Variants in CORO7 observed in about 807,000 individuals in gnomAD.
CORO7 encodes the protein coronin-7.
In CORO7, 107 loss-of-function variants were observed where a neutral mutation model predicts 126.6. That is an observed-to-expected ratio of 0.85 (90% confidence interval 0.72 to 0.99). The LOEUF is 0.99. CORO7 is among the 50% of genes least tolerant of loss of function. The probability of loss-of-function intolerance (pLI) is 0.00; values close to 1 mark genes in which losing one functional copy is unlikely to be tolerated. For missense variants in CORO7, 1,314 were observed against 1,255.8 expected, an observed-to-expected ratio of 1.05 and a Z score of -0.70; for synonymous variants, 603 against 536.8, an observed-to-expected ratio of 1.12 and a Z score of -1.70.
intron 9 of CORO7, chr16:4,382,025 C>A: frequency 6.2e-7 from 1 of 1,601,440 alleles, no homozygotes; most frequent in Non-Finnish European, 8.5e-7. Context: ...CTTAGCCCCA[C>A]AGAGCCGGCC....
At chr16:4,366,959 C>T (rs1057188339) in intron 9 of CORO7, among the ~76,000 whole-genome samples, 1 of 152,192 alleles carries the variant, frequency 6.6e-6, no homozygotes, top group East Asian at 1.9e-4. Flanking sequence ...CCAGCTGTGG[C>T]AGCTGCCTCT....
chr16:4,387,333 C>G (rs983560910), intron 9 of CORO7, among the ~76,000 whole-genome samples: 1 of 152,112 alleles, frequency 6.6e-6, no homozygotes, highest in African/African-American at 2.4e-5. Flanking sequence ...GGCCAGGACC[C>G]CGCCAGGCAC....
intron 9 of CORO7, among the ~76,000 whole-genome samples, chr16:4,380,172 C>G (rs73507284): frequency 0.053 from 8,026 of 152,206 alleles, 258 homozygotes; most frequent in Admixed American, 0.1. Context: ...GGCCCCCCAG[C>G]TCCAGCTCTG....
chr16:4,396,873 G>A (rs940117540), intron 6 of CORO7, among the ~76,000 whole-genome samples: 4 of 151,696 alleles, frequency 2.6e-5, no homozygotes, highest in South Asian at 2.1e-4. Context: ...AAAATTAGCC[G>A]GGCATGGTGG....
intron 7 of CORO7, among the ~76,000 whole-genome samples, chr16:4,391,968 C>T (rs1394366264): frequency 2.6e-5 from 4 of 152,204 alleles, no homozygotes; most frequent in Admixed American, 6.5e-5. Context: ...CATGGCGACA[C>T]TTCCTGTGCA....
intron 9 of CORO7, chr16:4,381,201 A>G (rs758044): frequency 0.77 from 1,242,295 of 1,610,932 alleles, 481,786 homozygotes; most frequent in East Asian, 0.81. Flanking sequence ...TGGACCTGAC[A>G]GCCAACAGGC....
chr16:4,357,251 C>A lies in CORO7; in HGVS notation c.2602G>T (p.Ala868Ser), dbSNP rs763835995. The A allele has an allele frequency of 3.1e-6, 5 of 1,612,792 alleles. No individual in the cohort carries two copies. The Admixed American group carries it at 8.3e-5, about 27-fold the overall frequency. Reference protein sequence around the residue: ...QPPDMSPVSQAPREAPARRAP... With the variant: ...QPPDMSPVSQSPREAPARRAP... Reference sequence around the variant, plus strand: ...CGACGAGCAGGGGCCTCTCGGGGGGCTTGGCTCACTGGGACAGAGCAAGGA... The same window carrying A: ...CGACGAGCAGGGGCCTCTCGGGGGGATTGGCTCACTGGGACAGAGCAAGGA... The change falls in exon 26 of 28, where the codon GCC becomes TCC. Residue 868 changes from alanine to serine, a missense_variant. Ala to Ser is a moderately conservative substitution (Grantham distance 99). Coordinates refer to ENST00000251166, the MANE Select transcript of CORO7 (RefSeq NM_024535.5).
chr16:4,400,898 C>G (rs1467575552), intron 6 of CORO7, among the ~76,000 whole-genome samples: 2 of 151,974 alleles, frequency 1.3e-5, no homozygotes, highest in African/African-American at 4.8e-5. Flanking sequence ...ATCACAGACA[C>G]TGGGGGAGGA....
At position 4,355,342 on chromosome 16, in the gene CORO7, T is replaced by TC. The variant is rs1357898987; in HGVS notation, c.2715dup (p.Asn906GlufsTer12). ...TCCTGGGGGAGTGGGTCCTCCCGGT[T>TC]CCCCAGTTTTGCCACCATGGCATTC... is the stretch of plus-strand genomic sequence containing the variant. On this transcript the variant is annotated frameshift_variant, in exon 27 of 28. Coordinates refer to ENST00000251166, the MANE Select transcript of CORO7 (RefSeq NM_024535.5). LOFTEE classifies it high-confidence loss of function. 6.2e-7 allele frequency: 1 copy of TC among 1,612,248 alleles called. No individual in the cohort carries two copies. Among genetic ancestry groups the TC allele is most frequent in the Non-Finnish European group, 8.5e-7 (1 of 1,179,888 alleles).
At chr16:4,404,943 GCACAA>G (rs1251709158) in intron 6 of CORO7, among the ~76,000 whole-genome samples, 1 of 151,976 alleles carries the variant, frequency 6.6e-6, no homozygotes. Flanking sequence ...ACGGCAACAG[GCACAA>G]CCCTTACTCA....
intron 5 of CORO7, 134 bp from the exon 6 acceptor site, chr16:4,405,701 G>A (rs1011251622): frequency 1.9e-6 from 2 of 1,050,140 alleles, no homozygotes; most frequent in Non-Finnish European, 1.4e-6. Context: ...AAGGGGGCAA[G>A]GGCAGCAGCT....
At chr16:4,372,196 C>A (rs1277595995) in intron 9 of CORO7, among the ~76,000 whole-genome samples, 1 of 152,094 alleles carries the variant, frequency 6.6e-6, no homozygotes, top group African/African-American at 2.4e-5. Context: ...CCGACAGCCC[C>A]GCGGCCGGCC....
rs748441617 is a variant in CORO7 at position 4,361,054 on chromosome 16, G to A, written c.1806C>T (p.Phe602=). 1.2e-6 allele frequency: 2 copies of A among 1,613,356 alleles called. No individual in the cohort carries two copies. Among genetic ancestry groups the A allele is most frequent in the South Asian group, 2.2e-5 (2 of 91,084 alleles). Residue 602 remains phenylalanine, a synonymous_variant, in exon 19 of 28, where the codon TTC becomes TTT. Transcript: ENST00000251166. ...GHTEKICSLR[F]HPLAANVLAS... ...CCAGCACATTGGCTGCCAGTGGGTG[G>A]AAGCGCAGGGAGCAGATCTTCTCCG... is the stretch of plus-strand genomic sequence containing the variant.
Position 4,361,245 on chromosome 16 carries a change from C to G in CORO7, c.1691G>C (p.Gly564Ala). ...PFDPHRLAVA[G>A]EDARIRLWRV... ...CCACAGTCGGATCCTGGCGTCCTCA[C>G]CAGCTGCAGAGGACAGACAGGGGCT... Residue 564 changes from glycine (G) to alanine (A), a missense_variant, in exon 18 of 28, where the codon GGT becomes GCT. Gly to Ala is a moderately conservative substitution (Grantham distance 60). Transcript: ENST00000251166. The G allele has an allele frequency of 6.2e-7, 1 of 1,612,676 alleles. No homozygotes were observed. The highest frequency in any genetic ancestry group is 8.5e-7 in the Non-Finnish European group (1 of 1,179,972).
chr16:4,368,406 G>A (rs542953197), intron 9 of CORO7, among the ~76,000 whole-genome samples: 3 of 151,922 alleles, frequency 2.0e-5, no homozygotes, highest in East Asian at 3.9e-4. Flanking sequence ...CCAGCTACTC[G>A]GCTGGCTGAG....
intron 7 of CORO7, among the ~76,000 whole-genome samples, chr16:4,388,851 T>A (rs2055288198): frequency 6.6e-6 from 1 of 152,126 alleles, no homozygotes; most frequent in Non-Finnish European, 1.5e-5. Flanking sequence ...TGAGGGCAGC[T>A]CTGCACCCAG....
At chr16:4,376,911 C>T (rs1044028040) in intron 9 of CORO7, among the ~76,000 whole-genome samples, 1 of 152,202 alleles carries the variant, frequency 6.6e-6, no homozygotes, top group Non-Finnish European at 1.5e-5. Flanking sequence ...TTAGTAGTAC[C>T]CACGCCCAGG....
chr16:4,358,292 G>A (rs765612218), intron 24 of CORO7, 75 bp downstream of exon 24: 2 of 1,562,902 alleles, frequency 1.3e-6, no homozygotes, highest in Non-Finnish European at 1.7e-6. Flanking sequence ...TGGAAGCTGG[G>A]TCAGACGGGA....
chr16:4,376,089 C>A (rs1391941954), intron 9 of CORO7, among the ~76,000 whole-genome samples: 2 of 152,170 alleles, frequency 1.3e-5, no homozygotes, highest in Admixed American at 6.5e-5. Flanking sequence ...GGGGTCCCCG[C>A]GCCTATAGGG....
Sources: allele counts gnomAD v4.1 joint callset (sites outside exome capture counted in the v4.1 genomes callset), GRCh38; gene constraint gnomAD v4.1.1; transcripts MANE v1.5; gene names NCBI Gene and HGNC (gene_info 2026-07-23, HGNC 2026-07-21).